Variants in TENM2 observed in about 807,000 individuals in gnomAD.
TENM2 encodes the protein teneurin-2.
A neutral mutation model predicts 245.2 loss-of-function variants in TENM2; 52 were observed. The ratio of observed to expected loss-of-function variants is 0.21; its 90% CI spans 0.17 to 0.27. The LOEUF is 0.27. TENM2 is among the 10% of genes least tolerant of loss of function. The pLI is 1.00. For synonymous variants in TENM2, 1,363 were observed against 1,438.9 expected, an observed-to-expected ratio of 0.95 and a Z score of 1.19; for missense variants, 3,046 against 3,666.8, an observed-to-expected ratio of 0.83 and a Z score of 4.37.
chr5:167,945,957 G>C (rs1247747998), intron 3 of TENM2, among the ~76,000 whole-genome samples: 1 of 152,126 alleles, frequency 6.6e-6, no homozygotes, highest in Non-Finnish European at 1.5e-5. Flanking sequence ...CCTCCACTCT[G>C]AAATGTGGAA....
chr5:167,181,100 A>AGAGATGC, the TENM2 span, among the ~76,000 whole-genome samples: 7 of 151,994 alleles, frequency 4.6e-5, no homozygotes, highest in African/African-American at 1.7e-4. Context: ...AGAATAGCAC[A>AGAGATGC]GAGATGCGCT....
At chr5:167,987,332 CTT>C (rs199696701) in intron 4 of TENM2, among the ~76,000 whole-genome samples, 14 of 142,948 alleles carry the variant, frequency 9.8e-5, no homozygotes, top group Non-Finnish European at 1.1e-4. Flanking sequence ...TCTTCGCTTC[CTT>C]TTTTTTTTTT....
the TENM2 span, among the ~76,000 whole-genome samples, chr5:167,191,333 T>C: frequency 6.6e-6 from 1 of 152,070 alleles, no homozygotes; most frequent in Non-Finnish European, 1.5e-5. Context: ...ATCGGATAGA[T>C]TGGTTGACTG....
chr5:167,727,104 CTTTTT>C (rs1227700479), intron 2 of TENM2, among the ~76,000 whole-genome samples: 2 of 96,130 alleles, frequency 2.1e-5, no homozygotes, highest in African/African-American at 4.1e-5. Flanking sequence ...CCATTAATTT[CTTTTT>C]TTTTTTTTTT....
intron 5 of TENM2, among the ~76,000 whole-genome samples, chr5:168,008,750 T>C (rs1290867063): frequency 6.6e-6 from 1 of 152,226 alleles, no homozygotes; most frequent in African/African-American, 2.4e-5. Context: ...TCTGTTGTCA[T>C]AATGGGAGAA....
Position 168,262,130 on chromosome 5 carries a change from C to T in TENM2, c.7645C>T (p.Leu2549Phe), listed in dbSNP as rs754846812. Reference sequence around the variant, plus strand: ...GGAAGGACAGGTCATTACTAAAAAGCTCCACGCCAGCATCCGAGAGAAAGC... The same window carrying T: ...GGAAGGACAGGTCATTACTAAAAAGTTCCACGCCAGCATCCGAGAGAAAGC... Residue 2549 changes from leucine to phenylalanine, a missense_variant, in exon 29 of 29, where the codon CTC becomes TTC. Transcript: ENST00000518659. 6.2e-6 allele frequency: 10 copies of T among 1,613,952 alleles called. No homozygotes were observed. In the South Asian group the frequency reaches 9.9e-5, roughly 16 times the overall value.
chr5:167,353,531 G>A (rs1358843387), intron 1 of TENM2, among the ~76,000 whole-genome samples: 2 of 85,940 alleles, frequency 2.3e-5, no homozygotes, highest in Non-Finnish European at 4.0e-5. Flanking sequence ...TTTTTGAGAC[G>A]GAGTCTCGCT....
exon 16 of TENM2, chr5:168,199,047 T>A: frequency 6.2e-7 from 1 of 1,613,866 alleles, no homozygotes; most frequent in Non-Finnish European, 8.5e-7. Context: ...CCAATCATCA[T>A]CTCCTCCCCA....
the TENM2 span, among the ~76,000 whole-genome samples, chr5:167,208,214 T>G: frequency 0.031 from 4,717 of 152,326 alleles, 112 homozygotes; most frequent in Non-Finnish European, 0.047. Flanking sequence ...GTGTACATTC[T>G]TAGTTACTCC....
chr5:167,116,294 A>G, the TENM2 span: 4 of 152,290 alleles, frequency 2.6e-5, no homozygotes, highest in African/African-American at 4.8e-5. Context: ...TACAGTTCCA[A>G]GAAAGTTTGG....
At chr5:167,031,669 A>T in the TENM2 span, among the ~76,000 whole-genome samples, 2 of 152,086 alleles carry the variant, frequency 1.3e-5, no homozygotes, top group Admixed American at 1.3e-4. Flanking sequence ...GGTTCAAGCG[A>T]TTCTCCTGCC....
chr5:167,911,793 C>T (rs903748014), intron 3 of TENM2, among the ~76,000 whole-genome samples: 3 of 152,156 alleles, frequency 2.0e-5, no homozygotes, highest in Admixed American at 1.3e-4. Flanking sequence ...TACAGAAATA[C>T]GTACAACTGG....
At chr5:167,211,170 G>A in the TENM2 span, among the ~76,000 whole-genome samples, 1 of 152,042 alleles carries the variant, frequency 6.6e-6, no homozygotes, top group Admixed American at 6.6e-5. Flanking sequence ...TCACCATTCT[G>A]CTTTTATTAA....
chr5:168,045,699 A>G (rs529226487), intron 5 of TENM2, among the ~76,000 whole-genome samples: 22 of 152,362 alleles, frequency 1.4e-4, no homozygotes, highest in African/African-American at 5.1e-4. Context: ...GCGAGCTTCA[A>G]TAACCCAATA....
At chr5:167,866,335 C>G (rs563563917) in intron 2 of TENM2, among the ~76,000 whole-genome samples, 1 of 152,048 alleles carries the variant, frequency 6.6e-6, no homozygotes, top group African/African-American at 2.4e-5. Flanking sequence ...TTCATCTCTA[C>G]TAAAATACAA....
chr5:167,299,825 G>A (rs1291018994), intron 1 of TENM2, among the ~76,000 whole-genome samples: 2 of 152,134 alleles, frequency 1.3e-5, no homozygotes, highest in African/African-American at 4.8e-5. Context: ...TCCGGGCCAG[G>A]AACAATGGTA....
rs188378206 is a variant in TENM2, at chr5:168,203,197, T to C, written c.3431-492T>C. 1.9e-4 allele frequency among the ~76,000 whole-genome samples: 29 copies of C among 152,318 alleles called. No homozygotes were observed. The East Asian group carries it at 5.2e-3, about 27-fold the overall frequency. On this transcript the variant is annotated intron_variant, in intron 17 of 28. Transcript: ENST00000518659. ...GAATCCTGAGTGAACACACCAAGTG[T>C]CTTAATTTACACAAGCTATTGCTCC... is the stretch of plus-strand genomic sequence containing the variant.
chr5:167,709,966 G>A (rs1163374188), intron 2 of TENM2, among the ~76,000 whole-genome samples: 2 of 152,162 alleles, frequency 1.3e-5, no homozygotes, highest in Non-Finnish European at 2.9e-5. Context: ...TAAAAATGAG[G>A]CTGTTGGGAT....
chr5:168,198,267 C>T (rs1163347492), intron 15 of TENM2, among the ~76,000 whole-genome samples: 1 of 146,106 alleles, frequency 6.8e-6, no homozygotes, highest in Non-Finnish European at 1.5e-5. Context: ...GCAATCTCGG[C>T]CCACTGCAAC....
Sources: allele counts gnomAD v4.1 joint callset (sites outside exome capture counted in the v4.1 genomes callset), GRCh38; gene constraint gnomAD v4.1.1; transcripts MANE v1.5; gene names NCBI Gene and HGNC (gene_info 2026-07-23, HGNC 2026-07-21).